Variants in ABCA12 observed in about 807,000 individuals in gnomAD.
ABCA12 encodes glucosylceramide transporter ABCA12.
A neutral mutation model predicts 293.5 loss-of-function variants in ABCA12; 156 were observed. The ratio of observed to expected loss-of-function variants is 0.53; its 90% confidence interval spans 0.47 to 0.61. The LOEUF (loss-of-function observed/expected upper bound fraction) is 0.61. ABCA12 is among the 20% of genes least tolerant of loss of function. The pLI, the probability that ABCA12 is intolerant of heterozygous loss-of-function variation, is 0.00. For synonymous variants in ABCA12, 1,063 were observed against 1,108.0 expected, an observed-to-expected ratio of 0.96 and a Z score of 0.81; for missense variants, 2,797 against 3,090.2, an observed-to-expected ratio of 0.91 and a Z score of 2.25.
Position 214,955,203 on chromosome 2 carries a change from G to T in ABCA12, c.6392C>A (p.Pro2131Gln). The change falls in exon 43 of 53, where the codon CCG becomes CAG. Residue 2131 changes from proline (P) to glutamine (Q), a missense_variant and splice_region_variant. Physicochemically the swap from Pro to Gln is moderately conservative, Grantham distance 76. Coordinates refer to ENST00000272895, the MANE Select transcript of ABCA12 (RefSeq NM_173076.3). ...ATTCACTGAAATAAGGGACCTTACCGGATCATTAGGCTTTTCCTTGGAAAG... is the reference window on the plus strand; with the variant it reads ...ATTCACTGAAATAAGGGACCTTACCTGATCATTAGGCTTTTCCTTGGAAAG... ...YFLSKEKPND[P>Q]TLELISETLK... 1 of 1,613,884 alleles carries T rather than the reference G, an allele frequency of 6.2e-7. No individual in the cohort carries two copies. The highest frequency in any genetic ancestry group is 8.5e-7 in the Non-Finnish European group (1 of 1,179,880).
rs1228591729 is a variant in ABCA12, at chr2:215,025,615, GT to G, written c.1287+57del. 3.4e-6 allele frequency: 4 copies of G among 1,169,780 alleles called. No homozygotes were observed. The African/African-American group carries it at 5.5e-5, about 16-fold the overall frequency. The allele number at this position is 1,169,780 out of a possible 1,614,324, so 72.5% of individuals were successfully genotyped here. ...AAGTGTTAAGGTTTTTTTTTTGTTT[GT>G]TTTGTCTTTTTGTTTTTTTTTTTGT... On this transcript the variant is annotated intron_variant, in intron 11 of 52. Coordinates refer to ENST00000272895, the MANE Select transcript of ABCA12 (RefSeq NM_173076.3).
chr2:214,955,264 T>C lies in ABCA12; in HGVS notation c.6331A>G (p.Ile2111Val). ...TYVCVNLFFG[I>V]NSIVSLSVVY... Reference sequence around the variant, plus strand: ...ACTGACAGGGAAACAATGGAATTAATGCCAAAAAACAAGTTGACACAGACG... The same window carrying C: ...ACTGACAGGGAAACAATGGAATTAACGCCAAAAAACAAGTTGACACAGACG... Residue 2111 changes from isoleucine to valine, a missense_variant, in exon 43 of 53, where the codon ATT (isoleucine) becomes GTT (valine). By Grantham distance (29) the Ile-to-Val change is conservative. This residue lies in a region of ABCA12 where 2,130 missense variants were observed against 2,427.0 expected (regional missense o/e 0.88). Transcript: ENST00000272895. 1 of 1,614,148 alleles carries C rather than the reference T, an allele frequency of 6.2e-7. No homozygotes were observed. The highest frequency in any genetic ancestry group is 8.5e-7 in the Non-Finnish European group (1 of 1,179,996).
intron 7 of ABCA12, chr2:215,044,363 T>C (rs1243539645): frequency 1.3e-5 from 2 of 152,136 alleles, no homozygotes; most frequent in African/African-American, 4.8e-5. Context: ...AGTGAGTGTG[T>C]AGTGATATCT....
At chr2:214,998,483 CAAAG>C (rs1192810714) in intron 22 of ABCA12, among the ~76,000 whole-genome samples, 2 of 152,096 alleles carry the variant, frequency 1.3e-5, no homozygotes, top group African/African-American at 4.8e-5. Context: ...AAAATGCAGA[CAAAG>C]AACTTGGATT....
At position 214,970,349 on chromosome 2, in the gene ABCA12, G is replaced by C. The variant is rs1699360082; in HGVS notation, c.5614C>G (p.Gln1872Glu). 1.2e-6 allele frequency: 2 copies of C among 1,613,122 alleles called. No homozygotes were observed. The highest frequency in any genetic ancestry group is 1.7e-6 in the Non-Finnish European group (2 of 1,179,326). ...TGCCCAGTGAGGTTATAAATTACCT[G>C]GGATGAGTAAGTTCTTCTGTGCGGT... Reference protein sequence around the residue: ...SPPHRRTYSSQVIYNLTGQRV... With the variant: ...SPPHRRTYSSEVIYNLTGQRV... Residue 1872 changes from glutamine to glutamate, a missense_variant, in exon 37 of 53, where the codon CAG (glutamine) becomes GAG (glutamate). Physicochemically the swap from Gln to Glu is conservative, Grantham distance 29 (BLOSUM62 2). This residue lies in a region of ABCA12 where 2,130 missense variants were observed against 2,427.0 expected (regional missense o/e 0.88). Transcript: ENST00000272895.
intron 2 of ABCA12, among the ~76,000 whole-genome samples, chr2:215,080,359 C>T (rs763557039): frequency 1.3e-5 from 2 of 151,900 alleles, no homozygotes; most frequent in African/African-American, 4.8e-5. Context: ...ATTAGCCGGA[C>T]GTGGTAGTGC....
intron 6 of ABCA12, among the ~76,000 whole-genome samples, 172 bp downstream of exon 6, chr2:215,049,454 C>A (rs996111593): frequency 6.6e-6 from 1 of 152,134 alleles, no homozygotes; most frequent in Non-Finnish European, 1.5e-5. Context: ...CAACCTTTCA[C>A]ATTAAATAAG....
At chr2:215,132,214 G>A (rs931632222) in intron 1 of ABCA12, among the ~76,000 whole-genome samples, 1 of 152,224 alleles carries the variant, frequency 6.6e-6, no homozygotes, top group Admixed American at 6.5e-5. Flanking sequence ...ATATTCTGCA[G>A]TTGTTGGGTA....
chr2:214,948,882 A>T, intron 46 of ABCA12, 145 bp from the exon 47 acceptor site: 1 of 1,138,536 alleles, frequency 8.8e-7, no homozygotes, highest in Non-Finnish European at 1.3e-6. Context: ...TATCAAATTC[A>T]CATTTAAACA....
Position 214,938,778 on chromosome 2 carries a change from A to C in ABCA12, c.7437-1163T>G, listed in dbSNP as rs575344246. 9.8e-5 allele frequency among the ~76,000 whole-genome samples: 15 copies of C among 152,294 alleles called. No homozygotes were observed. The South Asian group carries it at 3.1e-3, about 32-fold the overall frequency. Reference sequence around the variant, plus strand: ...GTCTTCTTTTGAGAAGTGTCTGTTCATATCCTTTGACCACTTTTTGATGGG... The same window carrying C: ...GTCTTCTTTTGAGAAGTGTCTGTTCCTATCCTTTGACCACTTTTTGATGGG... On this transcript the variant is annotated intron_variant, in intron 50 of 52. Coordinates refer to ENST00000272895, the MANE Select transcript of ABCA12 (RefSeq NM_173076.3).
intron 47 of ABCA12, 34 bp from the exon 48 acceptor site, chr2:214,947,590 T>G: frequency 6.2e-7 from 1 of 1,612,784 alleles, no homozygotes; most frequent in Non-Finnish European, 8.5e-7. Context: ...AGGTTGACCT[T>G]CCTGTGCCAA....
At chr2:214,995,661 C>T (rs1254737138) in intron 23 of ABCA12, among the ~76,000 whole-genome samples, 1 of 152,092 alleles carries the variant, frequency 6.6e-6, no homozygotes, top group African/African-American at 2.4e-5. Context: ...GCACTAGGGA[C>T]ATCCCACTCC....
intron 9 of ABCA12, among the ~76,000 whole-genome samples, chr2:215,027,273 G>A (rs868256744): frequency 5.9e-5 from 9 of 152,060 alleles, no homozygotes; most frequent in South Asian, 2.1e-4. Flanking sequence ...GTGAACCCGG[G>A]AGGCGGAGCT....
rs569061374 is a variant in ABCA12 at position 214,960,601 on chromosome 2, G to A, written c.5885-1523C>T. ...AAAGTAGCGAGATTGGTCAGTAAAT[G>A]CTTTTAAATGAACTCAAATCTTAAA... On this transcript the variant is annotated intron_variant, in intron 39 of 52. Transcript: ENST00000272895. 2.6e-5 allele frequency: 4 copies of A among 152,104 alleles called. No homozygotes were observed. The South Asian group carries it at 8.3e-4, about 32-fold the overall frequency. 9.4% of individuals were successfully genotyped at this position (152,104 alleles called of 1,614,324 possible). A position where few individuals can be genotyped will look rare whatever the true frequency, so the allele number is the denominator to read the frequency against.
chr2:214,942,636 ACTGT>A (rs969971738), intron 50 of ABCA12, among the ~76,000 whole-genome samples: 1 of 152,090 alleles, frequency 6.6e-6, no homozygotes, highest in African/African-American at 2.4e-5. Context: ...TTGGTTATGA[ACTGT>A]TTATTATTTA....
At chr2:214,947,367 A>G (rs1385731662) in intron 48 of ABCA12, 55 bp downstream of exon 48, 2 of 1,609,380 alleles carry the variant, frequency 1.2e-6, no homozygotes, top group Non-Finnish European at 1.7e-6. Context: ...AACACATGCA[A>G]TCAGATATGC....
At chr2:215,133,965 T>G (rs1703118294) in intron 1 of ABCA12, among the ~76,000 whole-genome samples, 1 of 152,104 alleles carries the variant, frequency 6.6e-6, no homozygotes, top group Non-Finnish European at 1.5e-5. Flanking sequence ...CTGTGTGACC[T>G]TGGACAAGTC....
chr2:214,999,997 T>C (rs1008783334), intron 22 of ABCA12, among the ~76,000 whole-genome samples: 10 of 152,330 alleles, frequency 6.6e-5, no homozygotes, highest in African/African-American at 2.4e-4. Flanking sequence ...CAAGCTTTTA[T>C]ATAGGAAGGT....
At chr2:215,051,168 A>T (rs1387965586) in intron 5 of ABCA12, among the ~76,000 whole-genome samples, 2 of 152,192 alleles carry the variant, frequency 1.3e-5, no homozygotes, top group Non-Finnish European at 2.9e-5. Flanking sequence ...TAAGAACTGG[A>T]ATGGAATAGA....
Sources: gnomAD v4.1 joint callset for allele counts (sites outside exome capture counted in the v4.1 genomes callset) on GRCh38, gnomAD v4.1.1 for gene constraint, gnomAD v4.1.1 regional missense constraint, MANE v1.5 for transcripts, NCBI Gene and HGNC (gene_info 2026-07-23, HGNC 2026-07-21) for gene names.